Variants in CSMD2 observed in about 807,000 individuals in gnomAD.
The protein encoded by CSMD2 is CUB and Sushi multiple domains 2.
A neutral mutation model predicts 398.5 loss-of-function variants in CSMD2; 130 were observed. The ratio of observed to expected loss-of-function variants is 0.33; its 90% CI spans 0.28 to 0.38. The LOEUF (loss-of-function observed/expected upper bound fraction) is 0.38. CSMD2 is among the 10% of genes least tolerant of loss of function. The pLI is 1.00. For missense variants in CSMD2, 3,829 were observed against 4,764.9 expected, an observed-to-expected ratio of 0.80 and a Z score of 5.78; for synonymous variants, 1,828 against 1,908.5, an observed-to-expected ratio of 0.96 and a Z score of 1.10.
chr1:33,732,307 T>A (rs548586982), intron 15 of CSMD2, among the ~76,000 whole-genome samples: 6 of 152,028 alleles, frequency 3.9e-5, no homozygotes, highest in Non-Finnish European at 7.4e-5. Flanking sequence ...GGATACTGGG[T>A]GTTATGGATG....
At chr1:33,976,707 G>T (rs1645979069) in intron 3 of CSMD2, among the ~76,000 whole-genome samples, 1 of 152,138 alleles carries the variant, frequency 6.6e-6, no homozygotes, top group Non-Finnish European at 1.5e-5. Flanking sequence ...CTTTTGATGA[G>T]GCCTCTGGCT....
In CSMD2 at chr1:33,810,867, G is replaced by A. The variant is rs1656786200; in HGVS notation, c.1325-3C>T. On this transcript the variant is annotated splice_polypyrimidine_tract_variant and splice_region_variant and intron_variant, in intron 9 of 70. Coordinates refer to ENST00000373381, the MANE Select transcript of CSMD2 (RefSeq NM_001281956.2). ...AAGGTGGGCATCACACATGCGGGCT[G>A]CAGAGGAGATGAAAGACAAGCCTTT... 6.2e-7 allele frequency: 1 copy of A among 1,609,980 alleles called. No individual in the cohort carries two copies. Among genetic ancestry groups the A allele is most frequent in the South Asian group, 1.1e-5 (1 of 90,756 alleles).
chr1:33,778,176 T>G (rs1481665359), intron 12 of CSMD2, among the ~76,000 whole-genome samples: 1 of 152,168 alleles, frequency 6.6e-6, no homozygotes, highest in Admixed American at 6.5e-5. Flanking sequence ...CCTTTTACTT[T>G]TCTTTCTTTG....
At chr1:34,068,856 T>C (rs1398303882) in intron 2 of CSMD2, among the ~76,000 whole-genome samples, 1 of 152,200 alleles carries the variant, frequency 6.6e-6, no homozygotes, top group Non-Finnish European at 1.5e-5. Context: ...TGCACAAGCT[T>C]GCTCTTTGCC....
At chr1:33,993,182 G>C (rs974150962) in intron 3 of CSMD2, among the ~76,000 whole-genome samples, 1 of 152,158 alleles carries the variant, frequency 6.6e-6, no homozygotes, top group Admixed American at 6.5e-5. Flanking sequence ...GGAAGGTTAC[G>C]CATCAATCCA....
Position 33,571,588 on chromosome 1 carries a change from A to G in CSMD2, c.7901T>C (p.Ile2634Thr). 6.4e-7 allele frequency: 1 copy of G among 1,551,496 alleles called. No individual in the cohort carries two copies. The highest frequency in any genetic ancestry group is 1.2e-5 in the South Asian group (1 of 81,378). ...CCATTTGCCATTGGCCTGACAGCGG[A>G]TGACCCTTTGGCCAGTATAGTAGTA... ...PGYYYTGQRV[I>T]RCQANGKWSL... Residue 2634 changes from isoleucine to threonine, a missense_variant, in exon 51 of 71, where the codon ATC (isoleucine) becomes ACC (threonine). Physicochemically the swap from Ile to Thr is moderately conservative, Grantham distance 89 (BLOSUM62 -1). Coordinates refer to ENST00000373381, the MANE Select transcript of CSMD2 (RefSeq NM_001281956.2).
At chr1:34,102,611 G>C (rs1251156658) in intron 1 of CSMD2, among the ~76,000 whole-genome samples, 2 of 76,068 alleles carry the variant, frequency 2.6e-5, no homozygotes, top group Non-Finnish European at 3.2e-5. Context: ...ATATCCCTGT[G>C]ATCCAACCAT....
At chr1:33,671,323 A>G (rs1207783576) in intron 25 of CSMD2, among the ~76,000 whole-genome samples, 3 of 152,138 alleles carry the variant, frequency 2.0e-5, no homozygotes, top group Admixed American at 2.0e-4. Flanking sequence ...CCTAGGTTGC[A>G]TCTTGGGCAC....
intron 3 of CSMD2, among the ~76,000 whole-genome samples, chr1:33,944,361 A>G (rs1421973668): frequency 6.6e-6 from 1 of 152,146 alleles, no homozygotes; most frequent in African/African-American, 2.4e-5. Context: ...ACTAGCAGGT[A>G]CTGGAAGAGA....
Position 33,744,042 on chromosome 1 carries a change from T to C in CSMD2, c.1847-436A>G, listed in dbSNP as rs150224841. On this transcript the variant is annotated intron_variant, in intron 13 of 70. Coordinates refer to ENST00000373381, the MANE Select transcript of CSMD2 (RefSeq NM_001281956.2). ...GATTTTGGGTAGTGGTTAACATCTC[T>C]CCTTTGACCTCTCCCATTTTTTGAG... Among the ~76,000 whole-genome samples, 155 of 152,344 alleles carry C rather than the reference T, an allele frequency of 1.0e-3. 1 individual carries two copies. The highest frequency in any genetic ancestry group is 3.6e-3 in the African/African-American group (148 of 41,578).
chr1:33,645,348 C>T (rs1015141359), intron 29 of CSMD2, among the ~76,000 whole-genome samples: 645 of 26,170 alleles, frequency 0.025, 1 homozygote, highest in Admixed American at 0.041. Flanking sequence ...GCATTATACA[C>T]ACACACACAC....
chr1:33,795,330 T>C (rs1270861919), intron 10 of CSMD2, among the ~76,000 whole-genome samples: 1 of 152,194 alleles, frequency 6.6e-6, no homozygotes, highest in Admixed American at 6.5e-5. Context: ...TGTTGGCTAA[T>C]GGCATCATCA....
chr1:34,081,910 G>T (rs1467994179), intron 2 of CSMD2, among the ~76,000 whole-genome samples: 6 of 151,782 alleles, frequency 4.0e-5, no homozygotes, highest in Admixed American at 3.9e-4. Context: ...AGTCTGGGAA[G>T]TGAGGAGCGT....
chr1:33,540,429 C>T (rs1391125549), intron 60 of CSMD2, 96 bp downstream of exon 60: 28 of 1,279,420 alleles, frequency 2.2e-5, no homozygotes, highest in Non-Finnish European at 3.1e-5. Flanking sequence ...GGGGAGGGGA[C>T]TACCTATTCT....
At chr1:34,142,721 T>C (rs1639417427) in intron 1 of CSMD2, among the ~76,000 whole-genome samples, 7 of 152,234 alleles carry the variant, frequency 4.6e-5, no homozygotes, top group Non-Finnish European at 8.8e-5. Context: ...GTGACATTAC[T>C]TAACATGATT....
intron 5 of CSMD2, among the ~76,000 whole-genome samples, chr1:33,906,052 T>C (rs1174740646): frequency 6.6e-6 from 1 of 152,188 alleles, no homozygotes; most frequent in Admixed American, 6.5e-5. Flanking sequence ...TCAGATGGTG[T>C]GGTTAGAATA....
At chr1:33,913,321 T>C (rs1323921632) in intron 5 of CSMD2, among the ~76,000 whole-genome samples, 2 of 152,132 alleles carry the variant, frequency 1.3e-5, no homozygotes, top group African/African-American at 4.8e-5. Context: ...TCCAGGCAAT[T>C]CCCCTTGAGG....
At chr1:33,550,841 C>G (rs1313237657) in intron 55 of CSMD2, among the ~76,000 whole-genome samples, 1 of 152,160 alleles carries the variant, frequency 6.6e-6, no homozygotes, top group Non-Finnish European at 1.5e-5. Context: ...TGCAAGTTCC[C>G]TTTACTAAAA....
intron 50 of CSMD2, 117 bp downstream of exon 50, chr1:33,572,389 A>C (rs1384754184): frequency 4.6e-6 from 4 of 865,740 alleles, no homozygotes; most frequent in African/African-American, 2.2e-5. Context: ...CTCCATGTCC[A>C]TGTTTTTTTT....
Sources: gnomAD v4.1 joint callset for allele counts (sites outside exome capture counted in the v4.1 genomes callset) on GRCh38, gnomAD v4.1.1 for gene constraint, MANE v1.5 for transcripts, NCBI Gene and HGNC (gene_info 2026-07-23, HGNC 2026-07-21) for gene names.